Variants in SEC24D observed in about 807,000 individuals in gnomAD.
SEC24D encodes the protein protein transport protein Sec24D.
SEC24D carries 69 observed loss-of-function variants against 116.9 expected under a neutral mutation model. The ratio of observed to expected loss-of-function variants is 0.59; its 90% CI spans 0.49 to 0.72. The LOEUF is 0.72. Ranked by LOEUF, SEC24D falls within the 30% of genes least tolerant of loss-of-function variation. The pLI, the probability that SEC24D is intolerant of heterozygous loss-of-function variation, is 0.00. For missense variants in SEC24D, 1,131 were observed against 1,264.1 expected (o/e 0.89, Z 1.60); for synonymous variants, 405 against 442.8 (o/e 0.91, Z 1.07).
At chr4:118,812,582 G>A (rs1332434165) in intron 6 of SEC24D, among the ~76,000 whole-genome samples, 1 of 151,978 alleles carries the variant, frequency 6.6e-6, no homozygotes, top group Non-Finnish European at 1.5e-5. Context: ...ACAGACATGG[G>A]AAGAGGCGGA....
rs1474253791 is a variant in SEC24D at position 118,722,931 on chromosome 4, T to C, written c.*584A>G. The C allele has an allele frequency of 6.6e-6, 1 of 152,610 alleles. No individual in the cohort carries two copies. Among genetic ancestry groups the C allele is most frequent in the Non-Finnish European group, 1.5e-5 (1 of 68,040 alleles). 9.5% of individuals were successfully genotyped at this position (152,610 alleles called of 1,614,324 possible). On this transcript the variant is annotated 3_prime_UTR_variant, in exon 23 of 23. Transcript: ENST00000280551. ...TTAAGCATATTGATAAAGACAGTTT[T>C]ACAGACAAAACAACTGGAAAATAGT...
At chr4:118,730,094 G>A (rs1332111385) in intron 21 of SEC24D, 1 of 152,224 alleles carries the variant, frequency 6.6e-6, no homozygotes, top group African/African-American at 2.4e-5. Context: ...CTGCCTTGTG[G>A]TAGAGACACT....
chr4:118,769,432 T>C (rs1161492241), intron 8 of SEC24D, among the ~76,000 whole-genome samples: 1 of 152,210 alleles, frequency 6.6e-6, no homozygotes, highest in Non-Finnish European at 1.5e-5. Flanking sequence ...AGCTTGAGAA[T>C]TGCAGGCTTT....
At chr4:118,798,671 G>A (rs910108512) in intron 7 of SEC24D, among the ~76,000 whole-genome samples, 2 of 152,214 alleles carry the variant, frequency 1.3e-5, no homozygotes, top group Admixed American at 6.5e-5. Flanking sequence ...TAGGACATTA[G>A]AAGGTGATAA....
rs565797467 is a variant in SEC24D at position 118,773,052 on chromosome 4, C to T, written c.1042-4741G>A. On this transcript the variant is annotated intron_variant, in intron 8 of 22. Coordinates refer to ENST00000280551, the MANE Select transcript of SEC24D (RefSeq NM_014822.4). The stretch of plus-strand genomic sequence containing the variant: ...AATATACACACACAAACTCTTCAAC[C>T]ACCTACTTTCCCCTCTCTTTCTAAC... 2.0e-5 allele frequency among the ~76,000 whole-genome samples: 3 copies of T among 152,214 alleles called. No homozygotes were observed. In the South Asian group the frequency reaches 6.2e-4, roughly 32 times the overall value.
chr4:118,740,367 C>T (rs961940933), intron 17 of SEC24D, among the ~76,000 whole-genome samples: 1 of 152,148 alleles, frequency 6.6e-6, no homozygotes, highest in African/African-American at 2.4e-5. Context: ...GGTGCTGAAG[C>T]CTAACAGAAG....
At chr4:118,727,220 A>G (rs1199128594) in intron 22 of SEC24D, among the ~76,000 whole-genome samples, 2 of 152,270 alleles carry the variant, frequency 1.3e-5, no homozygotes, top group African/African-American at 2.4e-5. Flanking sequence ...ATAGCACTCT[A>G]TGAACAGATG....
intron 2 of SEC24D, among the ~76,000 whole-genome samples, chr4:118,829,468 C>T (rs1325543592): frequency 6.6e-6 from 1 of 152,064 alleles, no homozygotes; most frequent in Non-Finnish European, 1.5e-5. Flanking sequence ...GCTATAATTT[C>T]GTCACTGCAA....
intron 20 of SEC24D, among the ~76,000 whole-genome samples, chr4:118,732,162 GAC>G (rs989358791): frequency 3.9e-5 from 6 of 152,124 alleles, no homozygotes; most frequent in Admixed American, 6.5e-5. Context: ...TATTTTTTGA[GAC>G]GGAGTCTTGC....
At chr4:118,741,804 A>G (rs1241197275) in intron 15 of SEC24D, among the ~76,000 whole-genome samples, 4 of 152,208 alleles carry the variant, frequency 2.6e-5, no homozygotes, top group African/African-American at 9.7e-5. Flanking sequence ...TTAGTTGCTT[A>G]CATACAACTG....
intron 8 of SEC24D, among the ~76,000 whole-genome samples, chr4:118,778,667 C>A (rs980777567): frequency 1.3e-5 from 2 of 152,190 alleles, no homozygotes; most frequent in African/African-American, 2.4e-5. Flanking sequence ...ACGAGGATGG[C>A]ACTGAATCTA....
At chr4:118,760,153 A>G (rs1186755130) in intron 10 of SEC24D, among the ~76,000 whole-genome samples, 1 of 152,026 alleles carries the variant, frequency 6.6e-6, no homozygotes, top group African/African-American at 2.4e-5. Flanking sequence ...TTTTTCTATT[A>G]TTTTTAATTG....
rs182294874 is a variant in SEC24D at position 118,791,604 on chromosome 4, C to G, written c.1041+6079G>C. On this transcript the variant is annotated intron_variant, in intron 8 of 22. Coordinates refer to ENST00000280551, the MANE Select transcript of SEC24D (RefSeq NM_014822.4). ...AGACTGGACTGTACTGCCGCCATCT[C>G]GACTCACTGCAACCTCCCTGCCTGA... 2.2e-3 allele frequency among the ~76,000 whole-genome samples: 338 copies of G among 152,292 alleles called. 2 individuals are homozygous for G. Among genetic ancestry groups the G allele is most frequent in the South Asian group, 5.4e-3 (26 of 4,820 alleles).
At chr4:118,776,848 C>G (rs1302406312) in intron 8 of SEC24D, among the ~76,000 whole-genome samples, 2 of 152,100 alleles carry the variant, frequency 1.3e-5, no homozygotes, top group Non-Finnish European at 2.9e-5. Flanking sequence ...ATTAATATAT[C>G]TTAGACTTAA....
At chr4:118,751,936 T>A (rs1014097429) in intron 13 of SEC24D, 60 bp downstream of exon 13, 2 of 1,172,456 alleles carry the variant, frequency 1.7e-6, no homozygotes, top group Admixed American at 1.9e-5. Context: ...AACTTTCTTA[T>A]TTTTTGTCTC....
chr4:118,757,655 T>C (rs992761381), intron 11 of SEC24D, 66 bp downstream of exon 11: 33 of 1,479,270 alleles, frequency 2.2e-5, no homozygotes, highest in Non-Finnish European at 2.8e-5. Flanking sequence ...TCAGCACTTA[T>C]CTTCTGGCCA....
At chr4:118,749,652 G>A (rs1453116674) in intron 13 of SEC24D, among the ~76,000 whole-genome samples, 1 of 152,074 alleles carries the variant, frequency 6.6e-6, no homozygotes, top group East Asian at 1.9e-4. Context: ...GTTACTCTTT[G>A]CCCTTCTCCC....
chr4:118,749,692 A>G (rs1487347230), intron 13 of SEC24D, among the ~76,000 whole-genome samples: 9 of 152,098 alleles, frequency 5.9e-5, no homozygotes, highest in African/African-American at 2.2e-4. Context: ...TAACCAACGA[A>G]CATTATGTTT....
chr4:118,750,004 A>G (rs1726742405), intron 13 of SEC24D, among the ~76,000 whole-genome samples: 1 of 152,242 alleles, frequency 6.6e-6, no homozygotes, highest in Non-Finnish European at 1.5e-5. Flanking sequence ...GAGTTGTTAT[A>G]TATTTAGATA....
Sources: allele counts gnomAD v4.1 joint callset (sites outside exome capture counted in the v4.1 genomes callset), GRCh38; gene constraint gnomAD v4.1.1; transcripts MANE v1.5; gene names NCBI Gene and HGNC (gene_info 2026-07-23, HGNC 2026-07-21).